The following P3H1 variants were observed in gnomAD, a reference collection of about 807,000 sequenced individuals.
The protein encoded by P3H1 is prolyl 3-hydroxylase 1.
In P3H1, 69 loss-of-function variants were observed where a neutral mutation model predicts 84.0. The observed-to-expected ratio is 0.82, with a 90% CI of 0.68 to 1.00. The LOEUF (loss-of-function observed/expected upper bound fraction) is 1.00. Ranked by LOEUF, P3H1 falls within the 50% of genes least tolerant of loss-of-function variation. P3H1 has a pLI of 0.00. For synonymous variants in P3H1, 366 were observed against 388.8 expected (o/e 0.94, Z 0.69); for missense variants, 878 against 962.8 (o/e 0.91, Z 1.17).
chr1:42,764,330 G>A (rs1033273941), intron 1 of P3H1, among the ~76,000 whole-genome samples: 1 of 151,694 alleles, frequency 6.6e-6, no homozygotes, highest in Non-Finnish European at 1.5e-5. Context: ...GCTGAGGTAG[G>A]GGAGTCACTT....
rs575594548 is a variant in P3H1, at chr1:42,747,285, C to T, written c.2042G>A (p.Arg681Gln). The T allele has an allele frequency of 2.5e-6, 4 of 1,613,882 alleles. No individual in the cohort carries two copies. Among genetic ancestry groups the T allele is most frequent in the African/African-American group, 1.3e-5 (1 of 75,052 alleles). Reference sequence around the variant, plus strand: ...AGCTGCTCTCACCCGCTCGCTGTGTCGAGGGTCCAGGGTGAACCACAGGGC... The same window carrying T: ...AGCTGCTCTCACCCGCTCGCTGTGTTGAGGGTCCAGGGTGAACCACAGGGC... ...AIALWFTLDP[R>Q]HSERDRVQAD... Residue 681 changes from arginine to glutamine, a missense_variant, in exon 14 of 15, where the codon CGA (arginine) becomes CAA (glutamine). Arg to Gln is a conservative substitution (Grantham distance 43). Coordinates refer to ENST00000296388, the MANE Select transcript of P3H1 (RefSeq NM_022356.4).
Position 42,767,000 on chromosome 1 carries a change from G to C in P3H1, c.-29C>G, listed in dbSNP as rs1043265003. ...TCCCTCAGACCTAACGGAACCGCCA[G>C]CCACCCGCCACCAAGGCCGGAGTCC... On this transcript the variant is annotated 5_prime_UTR_variant, in exon 1 of 15. Transcript: ENST00000296388. 30 of 1,598,388 alleles carry C rather than the reference G, an allele frequency of 1.9e-5. No individual in the cohort carries two copies. Among genetic ancestry groups the C allele is most frequent in the Non-Finnish European group, 2.5e-5 (30 of 1,177,338 alleles).
rs894743895 is a variant in P3H1, at chr1:42,750,537, T to A, written c.1570-201A>T. On this transcript the variant is annotated intron_variant, in intron 10 of 14. Transcript: ENST00000296388. ...ATAAGTCTCACGAGATCTGGTGGCTTTAAAAAAATGGGAGTTTGCGTCCGG... is the reference window on the plus strand; with the variant it reads ...ATAAGTCTCACGAGATCTGGTGGCTATAAAAAAATGGGAGTTTGCGTCCGG... 4.9e-4 allele frequency among the ~76,000 whole-genome samples: 74 copies of A among 152,188 alleles called. No individual in the cohort carries two copies. The highest frequency in any genetic ancestry group is 2.2e-4 in the Non-Finnish European group (15 of 68,032).
chr1:42,747,455 C>T (rs1364307586), intron 13 of P3H1, 43 bp from the exon 14 acceptor site: 1 of 1,567,972 alleles, frequency 6.4e-7, no homozygotes, highest in South Asian at 1.1e-5. Context: ...AGGACAAAGA[C>T]TGTAATCCAC....
chr1:42,764,423 C>CAAAA (rs769981372), intron 1 of P3H1, among the ~76,000 whole-genome samples: 152 of 82,824 alleles, frequency 1.8e-3, no homozygotes, highest in East Asian at 7.5e-3. Context: ...GACTCCATCT[C>CAAAA]AAAAAAAAAA....
chr1:42,758,964 G>A lies in P3H1; in HGVS notation c.828C>T (p.Leu276=), dbSNP rs1260178343. 1 of 1,614,196 alleles carries A rather than the reference G, an allele frequency of 6.2e-7. No homozygotes were observed. Residue 276 remains leucine, a synonymous_variant, in exon 4 of 15, where the codon CTC becomes CTT. Transcript: ENST00000296388. ...QAITDHYIQV[L]NCKQNCVTEL... ...CCGTGACACAGTTCTGCTTACAGTT[G>A]AGGACCTGGATGTAATGATCTGAAA...
At position 42,758,878 on chromosome 1, in the gene P3H1, T is replaced by C; in HGVS notation, c.914A>G (p.Asn305Ser). The C allele has an allele frequency of 6.2e-7, 1 of 1,614,148 alleles. No homozygotes were observed. The highest frequency in any genetic ancestry group is 1.1e-5 in the South Asian group (1 of 91,090). ...PFEDFLPSHY[N>S]YLQFAYYNIG... is the part of the protein sequence containing the mutation. ...GTTATAGTAGGCAAACTGCAGATAA[T>C]TATAATGCGATGGGAGGAAGTCTTC... The change falls in exon 4 of 15, where the codon AAT becomes AGT. Residue 305 changes from asparagine to serine, a missense_variant. By Grantham distance (46) the Asn-to-Ser change is conservative. Coordinates refer to ENST00000296388, the MANE Select transcript of P3H1 (RefSeq NM_022356.4).
chr1:42,752,338 C>T lies in P3H1; in HGVS notation c.1505G>A (p.Gly502Asp), dbSNP rs1181790296. Reference protein sequence around the residue: ...VAATSGDGYRGQTSPHTPNEK... With the variant: ...VAATSGDGYRDQTSPHTPNEK... Reference sequence around the variant, plus strand: ...ATTGGGAGTATGTGGGGAGGTCTGACCCCGGTAGCCATCTCCTGAGGTTGC... The same window carrying T: ...ATTGGGAGTATGTGGGGAGGTCTGATCCCGGTAGCCATCTCCTGAGGTTGC... The change falls in exon 10 of 15, where the codon GGT (glycine) becomes GAT (aspartate). Residue 502 changes from glycine (G) to aspartate (D), a missense_variant. Physicochemically the swap from Gly to Asp is moderately conservative, Grantham distance 94 (BLOSUM62 -1). Coordinates refer to ENST00000296388, the MANE Select transcript of P3H1 (RefSeq NM_022356.4). The T allele has an allele frequency of 1.2e-6, 2 of 1,614,136 alleles. No individual in the cohort carries two copies. Among genetic ancestry groups the T allele is most frequent in the Admixed American group, 1.7e-5 (1 of 60,016 alleles).
intron 1 of P3H1, among the ~76,000 whole-genome samples, chr1:42,763,872 C>T (rs1428898544): frequency 1.3e-5 from 2 of 151,870 alleles, no homozygotes; most frequent in Admixed American, 6.6e-5. Flanking sequence ...TGGCCAGGCA[C>T]GGGGGTTCAC....
chr1:42,753,655 G>A (rs1230569652), intron 8 of P3H1, among the ~76,000 whole-genome samples: 1 of 152,200 alleles, frequency 6.6e-6, no homozygotes, highest in African/African-American at 2.4e-5. Context: ...GGGCACAGTG[G>A]CTTATGCCTA....
intron 5 of P3H1, 132 bp from the exon 6 acceptor site, chr1:42,755,769 T>C: frequency 1.4e-6 from 1 of 711,808 alleles, no homozygotes; most frequent in Non-Finnish European, 2.5e-6. Flanking sequence ...CAATGCTCTC[T>C]GTCTGTTCCC....
At chr1:42,747,028 C>T (rs764508214) in intron 14 of P3H1, 176 bp from the exon 15 acceptor site, 8 of 1,614,178 alleles carry the variant, frequency 5.0e-6, no homozygotes, top group Admixed American at 1.7e-5. Flanking sequence ...AAGGAGGGAA[C>T]CAAGAACTCA....
At chr1:42,757,679 C>T in intron 5 of P3H1, 104 bp downstream of exon 5, 2 of 1,551,524 alleles carry the variant, frequency 1.3e-6, no homozygotes, top group Non-Finnish European at 1.8e-6. Context: ...GACATCTGGC[C>T]CCTGCCCTGC....
chr1:42,749,632 T>G (rs1651920494), intron 11 of P3H1, among the ~76,000 whole-genome samples: 1 of 152,206 alleles, frequency 6.6e-6, no homozygotes, highest in African/African-American at 2.4e-5. Flanking sequence ...CCTTTCTTAG[T>G]TCCCCTGACT....
chr1:42,766,583 T>C lies in P3H1; in HGVS notation c.389A>G (p.His130Arg). ...LRRCLGPPAAHSLSEEMELEF... is the reference protein window; with the variant it reads ...LRRCLGPPAARSLSEEMELEF... ...CAGCTCCATCTCTTCGCTGAGCGAG[T>C]GGGCGGCCGGCGGCCCGAGGCAGCG... The change falls in exon 1 of 15, where the codon CAC becomes CGC. Residue 130 changes from histidine (H) to arginine (R), a missense_variant. Physicochemically the swap from His to Arg is conservative, Grantham distance 29 (BLOSUM62 0). Transcript: ENST00000296388. The C allele has an allele frequency of 1.2e-6, 2 of 1,610,772 alleles. No homozygotes were observed. Among genetic ancestry groups the C allele is most frequent in the Non-Finnish European group, 8.5e-7 (1 of 1,178,948 alleles).
Position 42,766,597 on chromosome 1 carries a change from C to T in P3H1, c.375G>A (p.Gly125=). ...CGCTGAGCGAGTGGGCGGCCGGCGG[C>T]CCGAGGCAGCGGCGCAGGCAGGCAG... ...RRAACLRRCL[G]PPAAHSLSEE... Residue 125 remains glycine, a synonymous_variant, in exon 1 of 15, where the codon GGG becomes GGA. Transcript: ENST00000296388. The T allele has an allele frequency of 1.9e-6, 3 of 1,609,674 alleles. No homozygotes were observed. The highest frequency in any genetic ancestry group is 2.5e-6 in the Non-Finnish European group (3 of 1,178,444).
At chr1:42,757,033 G>C (rs913665895) in intron 5 of P3H1, among the ~76,000 whole-genome samples, 1 of 152,182 alleles carries the variant, frequency 6.6e-6, no homozygotes, top group Non-Finnish European at 1.5e-5. Context: ...GATTGGCCAC[G>C]TGGGTTTATT....
chr1:42,766,022 C>A (rs1389375286), intron 1 of P3H1, among the ~76,000 whole-genome samples: 3 of 131,204 alleles, frequency 2.3e-5, no homozygotes, highest in African/African-American at 6.9e-5. Flanking sequence ...CCCCCGCCCC[C>A]ACACACACAC....
intron 1 of P3H1, among the ~76,000 whole-genome samples, chr1:42,763,173 G>A (rs1384884172): frequency 6.6e-6 from 1 of 151,940 alleles, no homozygotes; most frequent in Non-Finnish European, 1.5e-5. Context: ...TTTAGGGGTA[G>A]AGAAAAAAGA....
Sources: gnomAD v4.1 joint callset for allele counts (sites outside exome capture counted in the v4.1 genomes callset) on GRCh38, gnomAD v4.1.1 for gene constraint, MANE v1.5 for transcripts, NCBI Gene and HGNC (gene_info 2026-07-23, HGNC 2026-07-21) for gene names.